LSM2: variants seen among roughly 807,000 people sequenced by gnomAD.
LSM2 encodes the protein U6 snRNA-associated Sm-like protein LSm2.
In LSM2, 12 loss-of-function variants were observed where a neutral mutation model predicts 17.0. The observed-to-expected ratio is 0.70, with a 90% CI of 0.45 to 1.14. The LOEUF (loss-of-function observed/expected upper bound fraction) is 1.14, where lower values mean the gene tolerates loss of function less well. LSM2 is among the 50% of genes most tolerant of loss of function. LSM2 has a pLI of 0.00. For missense variants in LSM2, 62 were observed against 111.8 expected (o/e 0.55, Z 2.01); for synonymous variants, 42 against 44.5 (o/e 0.94, Z 0.22).
chr6:31,806,675 T>C, intron 1 of LSM2, 80 bp downstream of exon 1: 1 of 1,561,090 alleles, frequency 6.4e-7, no homozygotes, highest in South Asian at 1.2e-5. Flanking sequence ...AACTCCAGCC[T>C]AGGGGTACAA....
chr6:31,805,218 T>C (rs1814957425), intron 2 of LSM2, among the ~76,000 whole-genome samples: 1 of 151,456 alleles, frequency 6.6e-6, no homozygotes, highest in Non-Finnish European at 1.5e-5. Context: ...GCATGTACAC[T>C]ACACCTGGCT....
intron 1 of LSM2, 28 bp downstream of exon 1, chr6:31,806,727 C>A: frequency 6.2e-7 from 1 of 1,608,650 alleles, no homozygotes; most frequent in Non-Finnish European, 8.5e-7. Flanking sequence ...TCCCCGAGGG[C>A]GCCCCCTTTT....
intron 2 of LSM2, among the ~76,000 whole-genome samples, chr6:31,798,733 C>CTTTTTTTTTTT (rs9281580): frequency 1.1e-5 from 1 of 89,852 alleles, no homozygotes; most frequent in African/African-American, 4.3e-5. Context: ...CCAATCCATT[C>CTTTTTTTTTTT]TTTTTTTTTT....
chr6:31,806,136 A>G lies in LSM2; in HGVS notation c.10T>C (p.Tyr4His). 1 of 1,612,922 alleles carries G rather than the reference A, an allele frequency of 6.2e-7. No individual in the cohort carries two copies. The highest frequency in any genetic ancestry group is 8.5e-7 in the Non-Finnish European group (1 of 1,179,904). The change falls in exon 2 of 5, where the codon TAT (tyrosine) becomes CAT (histidine). Residue 4 changes from tyrosine to histidine, a missense_variant. Tyr to His is a moderately conservative substitution (Grantham distance 83). Transcript: ENST00000375661. MLF[Y>H]SFFKSLVGKD... ...CCCACAAGGGACTTGAAAAAAGAAT[A>G]GAAGAGCTATTGGGAGAGAGGGGGA... is the stretch of plus-strand genomic sequence containing the variant.
chr6:31,798,796 G>A (rs1258110408), intron 2 of LSM2, among the ~76,000 whole-genome samples: 1 of 145,908 alleles, frequency 6.9e-6, no homozygotes, highest in Non-Finnish European at 1.5e-5. Context: ...AAGTGCAGTG[G>A]TGTGATCTTG....
Position 31,806,828 on chromosome 6 carries a change from C to T in LSM2, c.-71G>A. ...GTGCTGCGAGCAGGTCTGGGGAAAC[C>T]GAAGCGCGAGCCCGCGCGTGGGGCG... On this transcript the variant is annotated 5_prime_UTR_variant, in exon 1 of 5. Transcript: ENST00000375661. 5 of 1,531,378 alleles carry T rather than the reference C, an allele frequency of 3.3e-6. No individual in the cohort carries two copies. The highest frequency in any genetic ancestry group is 4.4e-6 in the Non-Finnish European group (5 of 1,144,490). The allele number at this position is 1,531,378 out of a possible 1,614,324, so 94.9% of individuals were successfully genotyped here. A position where few individuals can be genotyped will look rare whatever the true frequency, so the allele number is the denominator to read the frequency against.
In LSM2 at chr6:31,806,784, G is replaced by T. The variant is rs748927360; in HGVS notation, c.-27C>A. 1.9e-6 allele frequency: 3 copies of T among 1,607,748 alleles called. No individual in the cohort carries two copies. The highest frequency in any genetic ancestry group is 2.5e-6 in the Non-Finnish European group (3 of 1,178,064). On this transcript the variant is annotated 5_prime_UTR_variant, in exon 1 of 5. Coordinates refer to ENST00000375661, the MANE Select transcript of LSM2 (RefSeq NM_021177.5). ...GTGCTGGCGCCGCGGGCAGCGGGCC[G>T]GACCGGGAAGACAGCAGGGTGCTGC...
rs1199139371 is a variant in LSM2 at position 31,797,896 on chromosome 6, G to T, written c.163-14C>A. On this transcript the variant is annotated splice_polypyrimidine_tract_variant and intron_variant, in intron 4 of 4. Transcript: ENST00000375661. ...CTTCACTGATAACTAGACAAAGATG[G>T]ACAAATATGAAAACACCCTTAAAAA... The T allele has an allele frequency of 3.1e-6, 5 of 1,612,780 alleles. No individual in the cohort carries two copies. Among genetic ancestry groups the T allele is most frequent in the Non-Finnish European group, 3.4e-6 (4 of 1,180,014 alleles).
At chr6:31,805,984 T>C (rs1398336708) in intron 2 of LSM2, 91 bp downstream of exon 2, 3 of 1,147,402 alleles carry the variant, frequency 2.6e-6, no homozygotes, top group Non-Finnish European at 3.9e-6. Context: ...ATCTTCCACC[T>C]CGCCTAGCCC....
At chr6:31,799,671 T>G (rs1814584372) in intron 2 of LSM2, among the ~76,000 whole-genome samples, 3 of 138,706 alleles carry the variant, frequency 2.2e-5, no homozygotes, top group Non-Finnish European at 4.7e-5. Context: ...TTTTTTTTTT[T>G]GTAGAGAAAG....
chr6:31,799,004 G>A (rs903817627), intron 2 of LSM2, among the ~76,000 whole-genome samples: 1 of 152,008 alleles, frequency 6.6e-6, no homozygotes, highest in Non-Finnish European at 1.5e-5. Context: ...CCAAAGTGCT[G>A]GGATTACAGG....
At chr6:31,805,537 G>A (rs953074291) in intron 2 of LSM2, among the ~76,000 whole-genome samples, 16 of 151,822 alleles carry the variant, frequency 1.1e-4, no homozygotes, top group African/African-American at 3.4e-4. Flanking sequence ...GCTAATTTTT[G>A]TATTTTTAGT....
At chr6:31,801,378 G>C (rs59324322) in intron 2 of LSM2, among the ~76,000 whole-genome samples, 4,975 of 152,180 alleles carry the variant, frequency 0.033, 136 homozygotes, top group African/African-American at 0.079. Flanking sequence ...ACATTTGACA[G>C]CACCCCACCA....
In LSM2 at chr6:31,797,570, C is replaced by A. The variant is rs1814444397; in HGVS notation, c.*187G>T. The A allele has an allele frequency of 1.3e-6, 1 of 778,896 alleles. No individual in the cohort carries two copies. Among genetic ancestry groups the A allele is most frequent in the African/African-American group, 1.7e-5 (1 of 57,794 alleles). The allele number at this position is 778,896 out of a possible 1,614,324, so 48.2% of individuals were successfully genotyped here. ...AAGTTTCCCAGCCTACTTATCCTCC[C>A]CTTCTCAAGAGAGGATAGCTGTTCC... is the stretch of plus-strand genomic sequence containing the variant. On this transcript the variant is annotated 3_prime_UTR_variant, in exon 5 of 5. Coordinates refer to ENST00000375661, the MANE Select transcript of LSM2 (RefSeq NM_021177.5).
intron 2 of LSM2, among the ~76,000 whole-genome samples, chr6:31,799,913 G>A (rs993168431): frequency 6.6e-6 from 1 of 152,134 alleles, no homozygotes; most frequent in Non-Finnish European, 1.5e-5. Flanking sequence ...ACAGCCTTTG[G>A]CTGGGAATGG....
At chr6:31,805,993 C>A (rs1815009208) in intron 2 of LSM2, 82 bp downstream of exon 2, 7 of 1,255,404 alleles carry the variant, frequency 5.6e-6, no homozygotes, top group Non-Finnish European at 8.1e-6. Context: ...CTCGCCTAGC[C>A]CTGAAATATT....
chr6:31,803,818 C>T lies in LSM2; in HGVS notation c.71+2257G>A, dbSNP rs542175603. Reference sequence around the variant, plus strand: ...CTAGTCTCAAACTCGTGACCTCAGGCATCCACCCGCCTCGACTTCCCAAAG... The same window carrying T: ...CTAGTCTCAAACTCGTGACCTCAGGTATCCACCCGCCTCGACTTCCCAAAG... On this transcript the variant is annotated intron_variant, in intron 2 of 4. Coordinates refer to ENST00000375661, the MANE Select transcript of LSM2 (RefSeq NM_021177.5). Among the ~76,000 whole-genome samples, 4 of 152,078 alleles carry T rather than the reference C, an allele frequency of 2.6e-5. No individual in the cohort carries two copies. The East Asian group carries it at 7.8e-4, about 30-fold the overall frequency.
chr6:31,806,380 C>T (rs1026263463), intron 1 of LSM2: 9 of 601,254 alleles, frequency 1.5e-5, no homozygotes, highest in Non-Finnish European at 2.6e-5. Flanking sequence ...CTGCATACGT[C>T]GGCCTCCCCA....
At chr6:31,798,381 C>T in intron 3 of LSM2, 96 bp downstream of exon 3, 2 of 1,472,350 alleles carry the variant, frequency 1.4e-6, no homozygotes, top group Admixed American at 3.6e-5. Context: ...CGACGAACAC[C>T]ATTATTAACC....
Sources: gnomAD v4.1 joint callset for allele counts (sites outside exome capture counted in the v4.1 genomes callset) on GRCh38, gnomAD v4.1.1 for gene constraint, MANE v1.5 for transcripts, NCBI Gene and HGNC (gene_info 2026-07-23, HGNC 2026-07-21) for gene names.